The following XPR1 variants were observed in gnomAD, a reference collection of about 807,000 sequenced individuals.
XPR1 encodes xenotropic and polytropic retrovirus receptor 1.
In XPR1, 28 loss-of-function variants were observed where a neutral mutation model predicts 87.5. That is an observed-to-expected ratio of 0.32 (90% CI 0.24 to 0.44). XPR1 has a LOEUF of 0.44. Among genes scored for constraint, XPR1 ranks in the 20% least tolerant of loss-of-function variants. The pLI is 1.00. For missense variants in XPR1, 559 were observed against 862.3 expected (o/e 0.65, Z 4.41); for synonymous variants, 300 against 306.1 (o/e 0.98, Z 0.21).
At chr1:180,666,650 G>C (rs1655972096) in intron 1 of XPR1, among the ~76,000 whole-genome samples, 1 of 152,134 alleles carries the variant, frequency 6.6e-6, no homozygotes, top group South Asian at 2.1e-4. Context: ...ATTTTTGCAT[G>C]TTGACTTCAT....
chr1:180,802,115 G>A (rs1253547425), intron 3 of XPR1, among the ~76,000 whole-genome samples: 1 of 151,966 alleles, frequency 6.6e-6, no homozygotes, highest in East Asian at 1.9e-4. Context: ...GCATTTCTAT[G>A]CCTCATTTAA....
At chr1:180,738,871 G>T (rs968791823) in intron 2 of XPR1, among the ~76,000 whole-genome samples, 12 of 151,974 alleles carry the variant, frequency 7.9e-5, no homozygotes, top group African/African-American at 2.9e-4. Context: ...CCTTCACATA[G>T]CACAAGTTTT....
In XPR1 at chr1:180,659,237, CCTT is replaced by C; in HGVS notation, c.70-23121_70-23119del. ...TCCTTCCTTCCTTCCTTCCTTCCTT[CCTT>C]CCTTCCTTCCTCCCTCCCTCCCTCC... On this transcript the variant is annotated intron_variant, in intron 1 of 14. Coordinates refer to ENST00000367590, the MANE Select transcript of XPR1 (RefSeq NM_004736.4). 8.4e-5 allele frequency among the ~76,000 whole-genome samples: 2 copies of C among 23,926 alleles called. 1 individual carries two copies. The highest frequency in any genetic ancestry group is 2.3e-4 in the Non-Finnish European group (2 of 8,844). 15.7% of individuals were successfully genotyped at this position (23,926 alleles called of 152,430 possible).
chr1:180,843,842 C>T (rs1252351862), intron 11 of XPR1, among the ~76,000 whole-genome samples: 3 of 152,118 alleles, frequency 2.0e-5, no homozygotes, highest in Non-Finnish European at 2.9e-5. Flanking sequence ...TTGTAACACT[C>T]GTGTACAAAA....
In XPR1 at chr1:180,765,869, G is replaced by A. The variant is rs1019736102; in HGVS notation, c.122-21884G>A. Among the ~76,000 whole-genome samples the A allele has an allele frequency of 1.6e-4, 25 of 151,798 alleles. 1 individual carries two copies. Among genetic ancestry groups the A allele is most frequent in the Non-Finnish European group, 3.1e-4 (21 of 67,958 alleles). ...TTCTGAACTTTTTAGTGTATTGGTA[G>A]TACTGTGAGTTTTACCATTTCATCA... is the stretch of plus-strand genomic sequence containing the variant. On this transcript the variant is annotated intron_variant, in intron 2 of 14. Transcript: ENST00000367590.
At chr1:180,754,650 C>G (rs1647659926) in intron 2 of XPR1, among the ~76,000 whole-genome samples, 1 of 151,802 alleles carries the variant, frequency 6.6e-6, no homozygotes, top group African/African-American at 2.4e-5. Flanking sequence ...TTTGTAGAGA[C>G]AGGGTTTCGC....
chr1:180,669,073 G>A (rs1205043277), intron 1 of XPR1, among the ~76,000 whole-genome samples: 4 of 142,402 alleles, frequency 2.8e-5, no homozygotes, highest in African/African-American at 1.0e-4. Flanking sequence ...TGAGCAACAA[G>A]AGCGAAACTC....
intron 11 of XPR1, among the ~76,000 whole-genome samples, chr1:180,862,017 T>C (rs755953782): frequency 2.8e-4 from 42 of 152,110 alleles, no homozygotes; most frequent in Admixed American, 1.8e-3. Context: ...TGAGTATGTG[T>C]TACCTTTGTT....
intron 11 of XPR1, among the ~76,000 whole-genome samples, chr1:180,847,716 T>C (rs924684826): frequency 6.6e-6 from 1 of 152,120 alleles, no homozygotes; most frequent in African/African-American, 2.4e-5. Flanking sequence ...TTAAAATAAT[T>C]ATGAGTAAAT....
chr1:180,857,189 C>T (rs1417130000), intron 11 of XPR1, among the ~76,000 whole-genome samples: 1 of 150,762 alleles, frequency 6.6e-6, no homozygotes, highest in Non-Finnish European at 1.5e-5. Flanking sequence ...GTGGCTGGTT[C>T]CTTGTCAGTA....
intron 9 of XPR1, among the ~76,000 whole-genome samples, chr1:180,827,958 C>G (rs974118814): frequency 6.0e-5 from 9 of 150,686 alleles, no homozygotes; most frequent in African/African-American, 2.2e-4. Flanking sequence ...CTCACTGCAA[C>G]CTCCACCTCC....
chr1:180,783,665 T>C (rs1368547952), intron 2 of XPR1, among the ~76,000 whole-genome samples: 3 of 152,094 alleles, frequency 2.0e-5, no homozygotes, highest in East Asian at 1.9e-4. Context: ...CCAGGATGTA[T>C]GTATATTATT....
Position 180,656,509 on chromosome 1 carries a change from T to TA in XPR1, c.69+24239_69+24240insA, listed in dbSNP as rs368572705. ...TAATATTTATATATTATATATAATA[T>TA]TTATATATAATATTTATATATTATA... On this transcript the variant is annotated intron_variant, in intron 1 of 14. Transcript: ENST00000367590. Among the ~76,000 whole-genome samples the TA allele has an allele frequency of 2.3e-3, 11 of 4,848 alleles. 2 individuals are homozygous for TA. Among genetic ancestry groups the TA allele is most frequent in the Non-Finnish European group, 4.0e-3 (8 of 2,006 alleles). The allele number at this position is 4,848 out of a possible 152,430, so 3.2% of individuals were successfully genotyped here.
intron 11 of XPR1, among the ~76,000 whole-genome samples, chr1:180,847,627 C>A (rs1444691960): frequency 6.6e-6 from 1 of 152,100 alleles, no homozygotes; most frequent in Non-Finnish European, 1.5e-5. Context: ...ATATCCTCTC[C>A]ACCATCTGTG....
In XPR1 at chr1:180,811,461, G is replaced by T. The variant is rs375661577; in HGVS notation, c.736G>T (p.Val246Leu). ...RVGLFCGIFI[V>L]LNITLVLAAV... ...TGGCCTATTTTGTGGAATATTCATT[G>T]TACTGAATATTACCCTTGTGCTTGC... Residue 246 changes from valine (V) to leucine (L), a missense_variant, in exon 7 of 15, where the codon GTA (valine) becomes TTA (leucine). Around this residue, in one of 7 missense-constraint regions of XPR1, gnomAD observed 39 missense variants for 38.5 expected, o/e 1.01. Transcript: ENST00000367590. 9.3e-6 allele frequency: 15 copies of T among 1,613,060 alleles called. No homozygotes were observed. Among genetic ancestry groups the T allele is most frequent in the Non-Finnish European group, 8.5e-7 (1 of 1,179,494 alleles).
At chr1:180,725,220 A>G (rs185487524) in intron 2 of XPR1, among the ~76,000 whole-genome samples, 1 of 152,350 alleles carries the variant, frequency 6.6e-6, no homozygotes, top group Admixed American at 6.5e-5. Context: ...GCATCATTTT[A>G]GTGGATACAT....
intron 1 of XPR1, among the ~76,000 whole-genome samples, chr1:180,661,263 G>A (rs1283774255): frequency 2.6e-5 from 4 of 151,110 alleles, no homozygotes; most frequent in Non-Finnish European, 5.9e-5. Context: ...CGTGTTTCTT[G>A]TAGGCAACAG....
intron 9 of XPR1, among the ~76,000 whole-genome samples, chr1:180,829,221 A>C (rs943576835): frequency 1.3e-5 from 2 of 152,118 alleles, no homozygotes; most frequent in African/African-American, 4.8e-5. Context: ...TATTAACTTA[A>C]AAGAGGATGT....
At chr1:180,731,142 A>G (rs1475282789) in intron 2 of XPR1, among the ~76,000 whole-genome samples, 1 of 152,190 alleles carries the variant, frequency 6.6e-6, no homozygotes, top group East Asian at 1.9e-4. Flanking sequence ...ATTGGTGTCG[A>G]TCTGCACCAT....
Sources: gnomAD v4.1 joint callset for allele counts (sites outside exome capture counted in the v4.1 genomes callset) on GRCh38, gnomAD v4.1.1 for gene constraint, gnomAD v4.1.1 regional missense constraint, MANE v1.5 for transcripts, NCBI Gene and HGNC (gene_info 2026-07-23, HGNC 2026-07-21) for gene names.